DOCK10: variants seen among roughly 807,000 people sequenced by gnomAD.
DOCK10 encodes the protein dedicator of cytokinesis protein 10.
In DOCK10, 145 loss-of-function variants were observed where a neutral mutation model predicts 280.1. That is an observed-to-expected ratio of 0.52 (90% CI 0.45 to 0.59). The LOEUF (loss-of-function observed/expected upper bound fraction) is 0.59, where lower values mean the gene tolerates loss of function less well. Ranked by LOEUF, DOCK10 falls within the 20% of genes least tolerant of loss-of-function variation. DOCK10 has a pLI of 0.00. For missense variants in DOCK10, 2,368 were observed against 2,651.7 expected, an observed-to-expected ratio of 0.89 and a Z score of 2.35; for synonymous variants, 915 against 942.2, an observed-to-expected ratio of 0.97 and a Z score of 0.53.
intron 53 of DOCK10, among the ~76,000 whole-genome samples, chr2:224,772,925 G>A (rs1305403191): frequency 6.6e-6 from 1 of 152,218 alleles, no homozygotes; most frequent in Non-Finnish European, 1.5e-5. Context: ...TAGCAAGGTG[G>A]AGGAAGAATA....
chr2:224,817,386 A>G (rs1267254875), intron 29 of DOCK10, among the ~76,000 whole-genome samples: 1 of 152,222 alleles, frequency 6.6e-6, no homozygotes, highest in Non-Finnish European at 1.5e-5. Flanking sequence ...CATGCTAAGT[A>G]ACCATGTTTT....
intron 13 of DOCK10, among the ~76,000 whole-genome samples, chr2:224,863,811 G>A (rs1398872901): frequency 6.6e-6 from 1 of 152,182 alleles, no homozygotes; most frequent in South Asian, 2.1e-4. Context: ...TAATAGAAAA[G>A]AAGAAAGTAG....
At chr2:224,773,810 T>G (rs896206414) in intron 52 of DOCK10, among the ~76,000 whole-genome samples, 2 of 152,050 alleles carry the variant, frequency 1.3e-5, no homozygotes, top group African/African-American at 2.4e-5. Flanking sequence ...TTTTGTATTT[T>G]TAGTAGAGAC....
rs1696851252 is a variant in DOCK10, at chr2:224,852,935, C to T, written c.2076G>A (p.Lys692=). 1 of 1,584,954 alleles carries T rather than the reference C, an allele frequency of 6.3e-7. No homozygotes were observed. Among genetic ancestry groups the T allele is most frequent in the Non-Finnish European group, 8.6e-7 (1 of 1,162,058 alleles). ...GATATCTCTGGAACTTATATCATAC[C>T]TTGTTGAAGCATTTCTGGCTATCAT... ...LKYDSQKCFN[K]ARNITVCIEF... is the part of the protein sequence containing the mutation. Residue 692 remains lysine (K), a splice_region_variant and synonymous_variant, in exon 17 of 56, where the codon AAG becomes AAA. Coordinates refer to ENST00000258390, the MANE Select transcript of DOCK10 (RefSeq NM_014689.3).
At chr2:225,011,144 A>T (rs1689423127) in intron 1 of DOCK10, among the ~76,000 whole-genome samples, 2 of 152,214 alleles carry the variant, frequency 1.3e-5, no homozygotes, top group South Asian at 4.1e-4. Flanking sequence ...CACAGCAAGC[A>T]AGTGTTGCCA....
In DOCK10 at chr2:224,885,715, G is replaced by T; in HGVS notation, c.703C>A (p.Pro235Thr). 1.2e-6 allele frequency: 2 copies of T among 1,613,486 alleles called. No individual in the cohort carries two copies. Among genetic ancestry groups the T allele is most frequent in the Non-Finnish European group, 1.7e-6 (2 of 1,179,688 alleles). The change falls in exon 7 of 56, where the codon CCC (proline) becomes ACC (threonine). Residue 235 changes from proline to threonine, a missense_variant. Pro to Thr is a conservative substitution (Grantham distance 38, BLOSUM62 -1). This residue lies in a region of DOCK10 where 1,209 missense variants were observed against 1,250.9 expected (regional missense o/e 0.97). Transcript: ENST00000258390. Reference protein sequence around the residue: ...FYKDEKISKEPKGCIFLDSCT... With the variant: ...FYKDEKISKETKGCIFLDSCT... ...GAATCCAAAAAGATGCATCCTTTGGGTTCTTTGGATATTTTCTCATCTTTG... is the reference window on the plus strand; with the variant it reads ...GAATCCAAAAAGATGCATCCTTTGGTTTCTTTGGATATTTTCTCATCTTTG...
chr2:224,957,380 T>C (rs759692255), intron 1 of DOCK10, among the ~76,000 whole-genome samples: 3 of 147,844 alleles, frequency 2.0e-5, no homozygotes, highest in Non-Finnish European at 1.5e-5. Context: ...AACCTTGAAC[T>C]CTTGGGCTCA....
At chr2:224,911,210 G>A (rs894448252) in intron 3 of DOCK10, among the ~76,000 whole-genome samples, 3 of 152,128 alleles carry the variant, frequency 2.0e-5, no homozygotes, top group Non-Finnish European at 4.4e-5. Context: ...AGTTGAAAGG[G>A]AATTAAGGTG....
intron 31 of DOCK10, among the ~76,000 whole-genome samples, chr2:224,810,083 G>T (rs1223738014): frequency 6.6e-6 from 1 of 150,906 alleles, no homozygotes; most frequent in South Asian, 2.1e-4. Context: ...AAACACAGAA[G>T]GACAAATACT....
At chr2:224,904,404 G>A (rs1575029504) in intron 3 of DOCK10, among the ~76,000 whole-genome samples, 1 of 152,064 alleles carries the variant, frequency 6.6e-6, no homozygotes, top group East Asian at 1.9e-4. Flanking sequence ...ATTTTATTAA[G>A]AAAGAATGTA....
rs1691801756 is a variant in DOCK10 at position 224,787,318 on chromosome 2, T to C, written c.5498A>G (p.Asn1833Ser). 6.2e-7 allele frequency: 1 copy of C among 1,613,888 alleles called. No individual in the cohort carries two copies. The highest frequency in any genetic ancestry group is 8.5e-7 in the Non-Finnish European group (1 of 1,179,884). ...SERYELIADV[N>S]KPIIAVFEKQ... Reference sequence around the variant, plus strand: ...CTCAAAGACAGCAATGATGGGCTTGTTGACATCAGCAATGAGTTCATATCG... The same window carrying C: ...CTCAAAGACAGCAATGATGGGCTTGCTGACATCAGCAATGAGTTCATATCG... Residue 1833 changes from asparagine to serine, a missense_variant, in exon 49 of 56, where the codon AAC becomes AGC. Asn to Ser is a conservative substitution (Grantham distance 46, BLOSUM62 1). Transcript: ENST00000258390.
chr2:224,806,103 T>C, intron 34 of DOCK10, 23 bp downstream of exon 34: 3 of 1,379,208 alleles, frequency 2.2e-6, no homozygotes, highest in Non-Finnish European at 3.1e-6. Flanking sequence ...TAAAAATAAG[T>C]GTTCTCAGAA....
chr2:225,008,973 T>C (rs1382582334), intron 1 of DOCK10, among the ~76,000 whole-genome samples: 1 of 152,166 alleles, frequency 6.6e-6, no homozygotes, highest in Non-Finnish European at 1.5e-5. Flanking sequence ...GTCCAGTGAG[T>C]TGTACATTTA....
At chr2:224,813,845 T>A (rs1693949450) in intron 31 of DOCK10, among the ~76,000 whole-genome samples, 1 of 152,208 alleles carries the variant, frequency 6.6e-6, no homozygotes, top group Admixed American at 6.5e-5. Flanking sequence ...AGAACACAAC[T>A]TTTAAATTTC....
Position 224,970,083 on chromosome 2 carries a change from C to A in DOCK10, c.124-38415G>T, listed in dbSNP as rs1705000458. On this transcript the variant is annotated intron_variant, in intron 1 of 55. Coordinates refer to ENST00000258390, the MANE Select transcript of DOCK10 (RefSeq NM_014689.3). The surrounding 1 kb of genome is among the most constrained non-coding windows in gnomAD (Gnocchi z 4.6). The stretch of plus-strand genomic sequence containing the variant: ...CAACTCTGTTCACCTGATGAGTGTT[C>A]TATTTAATATTCTAGTTTCCTTATT... 6.6e-6 allele frequency among the ~76,000 whole-genome samples: 1 copy of A among 152,110 alleles called. No homozygotes were observed. Among genetic ancestry groups the A allele is most frequent in the Admixed American group, 6.6e-5 (1 of 15,252 alleles).
chr2:224,954,271 T>C (rs111615831), intron 1 of DOCK10, among the ~76,000 whole-genome samples: 1,750 of 152,268 alleles, frequency 0.011, 32 homozygotes, highest in African/African-American at 0.04. Context: ...TTATACTTTT[T>C]CAATAGTGGA....
chr2:224,800,055 CATAA>C (rs1461294803), intron 41 of DOCK10, 92 bp downstream of exon 41: 9 of 663,804 alleles, frequency 1.4e-5, no homozygotes, highest in African/African-American at 2.1e-5. Context: ...TAATTGATTT[CATAA>C]ATAATTAAAA....
chr2:224,872,934 G>A (rs990897962), intron 11 of DOCK10, among the ~76,000 whole-genome samples: 1 of 152,190 alleles, frequency 6.6e-6, no homozygotes, highest in Non-Finnish European at 1.5e-5. Context: ...ATAGAATTAT[G>A]AGTGATTTTA....
chr2:225,033,317 G>C (rs1275277008), intron 1 of DOCK10, among the ~76,000 whole-genome samples: 2 of 151,926 alleles, frequency 1.3e-5, no homozygotes, highest in Non-Finnish European at 2.9e-5. Flanking sequence ...CGAGCAGCTG[G>C]GACTACAGGT....
Sources: allele counts gnomAD v4.1 joint callset (sites outside exome capture counted in the v4.1 genomes callset), GRCh38; gene constraint gnomAD v4.1.1; regional missense constraint gnomAD v4.1.1; non-coding constraint Gnocchi (gnomAD v3.1); transcripts MANE v1.5; gene names NCBI Gene and HGNC (gene_info 2026-07-23, HGNC 2026-07-21).